The following ZRANB1 variants were observed in gnomAD, a reference collection of about 807,000 sequenced individuals.
ZRANB1 encodes the protein zinc finger RANBP2-type containing 1, also known as ubiquitin thioesterase ZRANB1.
A neutral mutation model predicts 80.5 loss-of-function variants in ZRANB1; 16 were observed. That is an observed-to-expected ratio of 0.20 (90% CI 0.13 to 0.30). The LOEUF (loss-of-function observed/expected upper bound fraction) is 0.30. Among genes scored for constraint, ZRANB1 ranks in the 10% least tolerant of loss-of-function variants. The pLI, the probability that ZRANB1 is intolerant of heterozygous loss-of-function variation, is 1.00. For missense variants in ZRANB1, 576 were observed against 862.6 expected (o/e 0.67, Z 4.16); for synonymous variants, 291 against 293.1 (o/e 0.99, Z 0.07).
At position 124,976,919 on chromosome 10, in the gene ZRANB1, CTG is replaced by C. The variant is rs200764946; in HGVS notation, c.1427+2524_1427+2525del. On this transcript the variant is annotated intron_variant, in intron 5 of 8. Coordinates refer to ENST00000359653, the MANE Select transcript of ZRANB1 (RefSeq NM_017580.3). ...GATCTGTTGAAAGGCCAAAAGTACA[CTG>C]TGGATTTTAGAAGTGATGTCTTTTT... is the stretch of plus-strand genomic sequence containing the variant. Among the ~76,000 whole-genome samples, 757 of 151,922 alleles carry C rather than the reference CTG, an allele frequency of 5.0e-3. 3 individuals carry two copies. The highest frequency in any genetic ancestry group is 0.015 in the African/African-American group (614 of 41,430).
At chr10:124,941,082 G>T (rs550363195), upstream of ZRANB1, among the ~76,000 whole-genome samples, 9 of 152,056 alleles carry the variant, frequency 5.9e-5, no homozygotes, top group Non-Finnish European at 1.3e-4. Flanking sequence ...AGAGAGCAAA[G>T]CTTCTATACT....
the ZRANB1 span, among the ~76,000 whole-genome samples, chr10:124,935,856 C>T: frequency 5.9e-5 from 9 of 152,122 alleles, 1 homozygote; most frequent in East Asian, 9.7e-4. Context: ...GACTGGAAAT[C>T]GAAGGGAGGG....
Position 124,987,213 on chromosome 10 carries a change from A to G in ZRANB1, c.*2221A>G, listed in dbSNP as rs1952072512. On this transcript the variant is annotated 3_prime_UTR_variant, in exon 9 of 9. Coordinates refer to ENST00000359653, the MANE Select transcript of ZRANB1 (RefSeq NM_017580.3). ...CCAAGATAGAATATAGTCCTTTTTC[A>G]AAGATGATTATACGTGGCTAGGTGA... is the stretch of plus-strand genomic sequence containing the variant. 6.6e-6 allele frequency: 1 copy of G among 152,516 alleles called. No homozygotes were observed. The highest frequency in any genetic ancestry group is 2.4e-5 in the African/African-American group (1 of 41,396). The allele number at this position is 152,516 out of a possible 1,614,324, so 9.4% of individuals were successfully genotyped here.
the ZRANB1 span, among the ~76,000 whole-genome samples, chr10:124,929,255 C>A: frequency 6.6e-6 from 1 of 151,864 alleles, no homozygotes; most frequent in African/African-American, 2.4e-5. Flanking sequence ...GGTGCATTAG[C>A]AAGAGGGTAC....
At position 124,943,319 on chromosome 10, in the gene ZRANB1, T is replaced by C. The variant is rs754458341; in HGVS notation, c.814+12T>C. ...CAATGCTTGTGTGGGTAAGTTTCTG[T>C]ATTCTGCATTTTTTGCGTGGGATGG... is the stretch of plus-strand genomic sequence containing the variant. On this transcript the variant is annotated intron_variant, in intron 1 of 8. Transcript: ENST00000359653. The C allele has an allele frequency of 5.6e-6, 9 of 1,595,638 alleles. No individual in the cohort carries two copies. Among genetic ancestry groups the C allele is most frequent in the Non-Finnish European group, 7.7e-6 (9 of 1,170,670 alleles).
intron 5 of ZRANB1, 26 bp from the exon 6 acceptor site, chr10:124,981,678 TATTTA>T: frequency 6.4e-7 from 1 of 1,560,198 alleles, no homozygotes. Flanking sequence ...GAAGACTATT[TATTTA>T]TTTTTTTACT....
chr10:124,952,972 TG>T (rs1247988182), intron 1 of ZRANB1, among the ~76,000 whole-genome samples: 3 of 152,058 alleles, frequency 2.0e-5, no homozygotes. Context: ...TCACCCAGCC[TG>T]GAGTGCAGTG....
intron 5 of ZRANB1, among the ~76,000 whole-genome samples, chr10:124,975,946 A>G (rs111411711): frequency 1.6e-4 from 24 of 152,348 alleles, no homozygotes; most frequent in African/African-American, 5.8e-4. Context: ...AGGAGGTTGC[A>G]GCGAGCCAAG....
chr10:124,955,703 T>G (rs1951683515), intron 1 of ZRANB1, among the ~76,000 whole-genome samples: 1 of 152,240 alleles, frequency 6.6e-6, no homozygotes, highest in Non-Finnish European at 1.5e-5. Flanking sequence ...TTTCAAGTTT[T>G]TAAGGATTTC....
chr10:124,924,370 T>C, the ZRANB1 span, among the ~76,000 whole-genome samples: 1 of 151,444 alleles, frequency 6.6e-6, no homozygotes, highest in Admixed American at 6.6e-5. Flanking sequence ...AAGTATACAA[T>C]TCAGTAGTTT....
upstream of ZRANB1, chr10:124,942,065 T>A (rs1399304992): frequency 1.2e-6 from 1 of 808,308 alleles, no homozygotes; most frequent in Non-Finnish European, 1.5e-6. Flanking sequence ...ATTTTTTAGT[T>A]TGTGTTGTTT....
At chr10:124,922,302 T>TATATATATATATATGTAAA in the ZRANB1 span, among the ~76,000 whole-genome samples, 5 of 43,878 alleles carry the variant, frequency 1.1e-4, no homozygotes, top group Non-Finnish European at 3.1e-4. Context: ...ATATGTAAAA[T>TATATATATATATATGTAAA]ATATATATAT....
intron 1 of ZRANB1, among the ~76,000 whole-genome samples, chr10:124,943,995 T>C (rs1170410972): frequency 6.6e-6 from 1 of 152,216 alleles, no homozygotes; most frequent in Non-Finnish European, 1.5e-5. Flanking sequence ...GTTTGCAAAC[T>C]TTATGGAACT....
the ZRANB1 span, among the ~76,000 whole-genome samples, chr10:124,930,588 G>C: frequency 6.6e-6 from 1 of 152,154 alleles, no homozygotes; most frequent in Non-Finnish European, 1.5e-5. Context: ...ATATATGTGA[G>C]AGAACTAGGT....
rs201475511 is a variant in ZRANB1, at chr10:124,942,973, T to C, written c.480T>C (p.Tyr160=). ...TQHWTCSVCT[Y]ENWAKAKRCV... ...ACTGGACTTGCTCTGTTTGCACATA[T>C]GAAAACTGGGCCAAGGCTAAAAGAT... Residue 160 remains tyrosine, a synonymous_variant, in exon 1 of 9, where the codon TAT becomes TAC. Transcript: ENST00000359653. The C allele has an allele frequency of 1.8e-5, 29 of 1,614,090 alleles. No individual in the cohort carries two copies. The highest frequency in any genetic ancestry group is 1.7e-5 in the Admixed American group (1 of 60,016).
In ZRANB1 at chr10:124,981,752, A is replaced by G; in HGVS notation, c.1471A>G (p.Ser491Gly). 1 of 1,613,774 alleles carries G rather than the reference A, an allele frequency of 6.2e-7. No homozygotes were observed. The highest frequency in any genetic ancestry group is 8.5e-7 in the Non-Finnish European group (1 of 1,179,886). Residue 491 changes from serine (S) to glycine (G), a missense_variant, in exon 6 of 9, where the codon AGC (serine) becomes GGC (glycine). Ser to Gly is a moderately conservative substitution (Grantham distance 56). Transcript: ENST00000359653. ...WKDWESWYSQ[S>G]FGLHFSLREE... ...AGATTGGGAATCATGGTATTCTCAG[A>G]GCTTTGGTTTACATTTTTCCTTGAG...
upstream of ZRANB1, among the ~76,000 whole-genome samples, chr10:124,938,899 G>A (rs1411133105): frequency 2.0e-5 from 3 of 151,692 alleles, no homozygotes; most frequent in African/African-American, 4.8e-5. Flanking sequence ...TTTTTTGGTC[G>A]GGCATAGTGG....
At chr10:124,918,194 T>G in the ZRANB1 span, among the ~76,000 whole-genome samples, 2 of 152,090 alleles carry the variant, frequency 1.3e-5, no homozygotes, top group Non-Finnish European at 2.9e-5. Context: ...TGGAGATAAT[T>G]TTTTTTTGTA....
At chr10:124,931,057 CT>C in the ZRANB1 span, among the ~76,000 whole-genome samples, 1 of 152,190 alleles carries the variant, frequency 6.6e-6, no homozygotes, top group Admixed American at 6.5e-5. Context: ...TCATGAAGGG[CT>C]TTTTATGCCC....
Sources: allele counts gnomAD v4.1 joint callset (sites outside exome capture counted in the v4.1 genomes callset), GRCh38; gene constraint gnomAD v4.1.1; transcripts MANE v1.5; gene names NCBI Gene and HGNC (gene_info 2026-07-23, HGNC 2026-07-21).